Variants in SIMC1 observed in about 807,000 individuals in gnomAD.
The protein encoded by SIMC1 is SUMO interacting motifs containing 1.
A neutral mutation model predicts 82.3 loss-of-function variants in SIMC1; 55 were observed. The observed-to-expected ratio is 0.67, with a 90% CI of 0.54 to 0.84. SIMC1 has a LOEUF of 0.84. SIMC1 is among the 40% of genes least tolerant of loss of function. The probability of loss-of-function intolerance (pLI) is 0.00; values close to 1 mark genes in which losing one functional copy is unlikely to be tolerated. For synonymous variants in SIMC1, 353 were observed against 426.3 expected, an observed-to-expected ratio of 0.83 and a Z score of 2.12; for missense variants, 915 against 1,107.2, an observed-to-expected ratio of 0.83 and a Z score of 2.46.
chr5:176,276,404 TG>T (rs1762699183), intron 1 of SIMC1, among the ~76,000 whole-genome samples: 1 of 151,390 alleles, frequency 6.6e-6, no homozygotes, highest in South Asian at 2.1e-4. Flanking sequence ...TCAATTTTGT[TG>T]GTCCTTTCAA....
chr5:176,274,469 G>C (rs1312003733), intron 1 of SIMC1, among the ~76,000 whole-genome samples: 1 of 151,798 alleles, frequency 6.6e-6, no homozygotes, highest in Non-Finnish European at 1.5e-5. Context: ...TGTTCACTCT[G>C]ATGGTAGTTT....
chr5:176,336,391 GTTGTGCCAAATAGTA>G (rs997397825), intron 7 of SIMC1, among the ~76,000 whole-genome samples: 1 of 152,016 alleles, frequency 6.6e-6, no homozygotes, highest in African/African-American at 2.4e-5. Flanking sequence ...AATATTCCTT[GTTGTGCCAAATAGTA>G]TTTGGCACAT....
intron 1 of SIMC1, among the ~76,000 whole-genome samples, chr5:176,284,806 G>A (rs1763190055): frequency 6.6e-6 from 1 of 152,052 alleles, no homozygotes; most frequent in African/African-American, 2.4e-5. Flanking sequence ...ACTAACCTCA[G>A]AAAATACTAT....
intron 4 of SIMC1, among the ~76,000 whole-genome samples, chr5:176,298,292 C>T (rs1011249292): frequency 6.6e-6 from 1 of 152,214 alleles, no homozygotes; most frequent in African/African-American, 2.4e-5. Context: ...GTGGACCATG[C>T]ATGCAATGTA....
intron 1 of SIMC1, among the ~76,000 whole-genome samples, chr5:176,286,360 A>G (rs1346871126): frequency 6.6e-6 from 1 of 152,288 alleles, no homozygotes; most frequent in African/African-American, 2.4e-5. Context: ...GATCTTTGAC[A>G]AACCTGACAA....
intron 2 of SIMC1, among the ~76,000 whole-genome samples, chr5:176,292,451 G>A (rs1763623081): frequency 6.6e-6 from 1 of 152,124 alleles, no homozygotes; most frequent in Non-Finnish European, 1.5e-5. Context: ...TTTGACCTTG[G>A]AGAATGATTT....
At chr5:176,329,465 C>T (rs1765537310) in intron 7 of SIMC1, among the ~76,000 whole-genome samples, 1 of 146,166 alleles carries the variant, frequency 6.8e-6, no homozygotes, top group African/African-American at 2.5e-5. Context: ...CGAAAGAGTC[C>T]AGCCTGGGCG....
intron 5 of SIMC1, among the ~76,000 whole-genome samples, chr5:176,315,632 A>G (rs958030358): frequency 7.2e-5 from 11 of 152,192 alleles, no homozygotes; most frequent in African/African-American, 2.7e-4. Flanking sequence ...ATGTTCTGAC[A>G]TATTTGTTGA....
chr5:176,306,256 T>C, intron 4 of SIMC1, among the ~76,000 whole-genome samples: 1 of 100,188 alleles, frequency 1.0e-5, no homozygotes, highest in Non-Finnish European at 2.2e-5. Flanking sequence ...GGAGCCCCTC[T>C]GCCCGGCCAG....
chr5:176,315,370 A>G (rs1764852533), intron 5 of SIMC1, among the ~76,000 whole-genome samples: 1 of 152,202 alleles, frequency 6.6e-6, no homozygotes, highest in Admixed American at 6.5e-5. Flanking sequence ...CAAGACAGTT[A>G]TGAAGGATCT....
intron 4 of SIMC1, among the ~76,000 whole-genome samples, chr5:176,307,347 G>A (rs1180461337): frequency 6.6e-6 from 1 of 152,176 alleles, no homozygotes; most frequent in Non-Finnish European, 1.5e-5. Context: ...TAACACTACT[G>A]AACTGTACAC....
intron 1 of SIMC1, among the ~76,000 whole-genome samples, chr5:176,257,470 G>A (rs1761883881): frequency 6.6e-6 from 1 of 152,138 alleles, no homozygotes; most frequent in African/African-American, 2.4e-5. Flanking sequence ...AAGGCACAGT[G>A]GGAGCTGGCA....
intron 6 of SIMC1, 96 bp from the exon 7 acceptor site, chr5:176,324,533 T>C (rs1406195800): frequency 1.6e-6 from 2 of 1,284,464 alleles, no homozygotes; most frequent in Non-Finnish European, 2.1e-6. Context: ...TAGTAGTCTC[T>C]ACTCTCGATG....
intron 4 of SIMC1, chr5:176,308,499 G>C: frequency 6.2e-7 from 1 of 1,607,332 alleles, no homozygotes; most frequent in Non-Finnish European, 8.5e-7. Context: ...CCAGATGATG[G>C]ATCAAGGCTT....
In SIMC1 at chr5:176,262,637, G is replaced by T. The variant is rs560883475; in HGVS notation, c.129+24000G>T. Among the ~76,000 whole-genome samples the T allele has an allele frequency of 2.2e-4, 34 of 152,148 alleles. No homozygotes were observed. In the South Asian group the frequency reaches 3.5e-3, roughly 16 times the overall value. ...CTGGCCAGTGTGGTGAAATCTCGTC[G>T]CTACTAAAAATATACAAATCAGCCA... On this transcript the variant is annotated intron_variant, in intron 1 of 9. Coordinates refer to ENST00000429602, the MANE Select transcript of SIMC1 (RefSeq NM_001308195.2).
intron 1 of SIMC1, among the ~76,000 whole-genome samples, chr5:176,277,137 A>G (rs915407952): frequency 8.6e-5 from 13 of 151,952 alleles, no homozygotes; most frequent in African/African-American, 3.2e-4. Flanking sequence ...AATGATTGCC[A>G]TTCTAACTGG....
At chr5:176,274,052 T>C (rs1343883436) in intron 1 of SIMC1, among the ~76,000 whole-genome samples, 5 of 149,022 alleles carry the variant, frequency 3.4e-5, no homozygotes, top group Non-Finnish European at 6.0e-5. Flanking sequence ...ATGGTATTTC[T>C]AGTTCTAGAT....
At chr5:176,262,777 C>T (rs1762061355) in intron 1 of SIMC1, among the ~76,000 whole-genome samples, 2 of 152,120 alleles carry the variant, frequency 1.3e-5, no homozygotes, top group South Asian at 4.1e-4. Context: ...TGCGCCCCAG[C>T]CTGGGTGACA....
chr5:176,318,982 A>T (rs1400761006), intron 5 of SIMC1, among the ~76,000 whole-genome samples: 1 of 152,136 alleles, frequency 6.6e-6, no homozygotes, highest in Non-Finnish European at 1.5e-5. Flanking sequence ...AGTGGCACAC[A>T]CCTGTGGTCC....
Sources: allele counts gnomAD v4.1 joint callset (sites outside exome capture counted in the v4.1 genomes callset), GRCh38; gene constraint gnomAD v4.1.1; transcripts MANE v1.5; gene names NCBI Gene and HGNC (gene_info 2026-07-23, HGNC 2026-07-21).